The following RASAL2 variants were observed in gnomAD, a reference collection of about 807,000 sequenced individuals.
The protein encoded by RASAL2 is RAS protein activator like 2.
A neutral mutation model predicts 128.9 loss-of-function variants in RASAL2; 58 were observed. The ratio of observed to expected loss-of-function variants is 0.45; its 90% CI spans 0.36 to 0.56. The LOEUF (loss-of-function observed/expected upper bound fraction) is 0.56, where lower values mean the gene tolerates loss of function less well. Ranked by LOEUF, RASAL2 falls within the 20% of genes least tolerant of loss-of-function variation. The probability of loss-of-function intolerance (pLI) is 0.00; values close to 1 mark genes in which losing one functional copy is unlikely to be tolerated. For synonymous variants in RASAL2, 561 were observed against 580.8 expected, an observed-to-expected ratio of 0.97 and a Z score of 0.49; for missense variants, 1,360 against 1,601.6, an observed-to-expected ratio of 0.85 and a Z score of 2.57.
chr1:178,095,186 ACTCT>A (rs1292353366), intron 1 of RASAL2, among the ~76,000 whole-genome samples: 1 of 152,048 alleles, frequency 6.6e-6, no homozygotes, highest in South Asian at 2.1e-4. Flanking sequence ...CCTGAACCTC[ACTCT>A]CTCTAAAAGC....
At chr1:178,390,481 C>T (rs1375055079) in intron 4 of RASAL2, among the ~76,000 whole-genome samples, 1 of 152,034 alleles carries the variant, frequency 6.6e-6, no homozygotes, top group Non-Finnish European at 1.5e-5. Context: ...CGAGTTTAGG[C>T]GATTCTCCTG....
At chr1:178,157,007 C>T (rs12061929) in intron 1 of RASAL2, among the ~76,000 whole-genome samples, 16,499 of 152,050 alleles carry the variant, frequency 0.11, 1,130 homozygotes, top group African/African-American at 0.19. Flanking sequence ...ATAACTTCTG[C>T]TTATAATACC....
rs2102988096 is a variant in RASAL2, at chr1:178,477,663, C to T, written c.*4424C>T. On this transcript the variant is annotated 3_prime_UTR_variant, in exon 18 of 18. Transcript: ENST00000367649. ...AGTCTCTGTAGACAACACATGCACA[C>T]ACCCACACAAAACATAATTCCTGGG... 6.6e-6 allele frequency: 1 copy of T among 152,340 alleles called. No individual in the cohort carries two copies. Among genetic ancestry groups the T allele is most frequent in the Non-Finnish European group, 1.5e-5 (1 of 68,032 alleles). 9.4% of individuals were successfully genotyped at this position (152,340 alleles called of 1,614,324 possible).
At chr1:178,294,619 C>A (rs1194805075) in intron 2 of RASAL2, among the ~76,000 whole-genome samples, 1 of 152,214 alleles carries the variant, frequency 6.6e-6, no homozygotes, top group Non-Finnish European at 1.5e-5. Flanking sequence ...ATCTGTCTGT[C>A]CATCTATCGA....
Position 178,094,388 on chromosome 1 carries a change from C to T in RASAL2, c.-105C>T, listed in dbSNP as rs1369450771. The T allele has an allele frequency of 8.9e-7, 1 of 1,119,914 alleles. No individual in the cohort carries two copies. The highest frequency in any genetic ancestry group is 1.7e-5 in the South Asian group (1 of 59,694). 69.4% of individuals were successfully genotyped at this position (1,119,914 alleles called of 1,614,324 possible). A position where few individuals can be genotyped will look rare whatever the true frequency, so the allele number is the denominator to read the frequency against. On this transcript the variant is annotated 5_prime_UTR_variant, in exon 1 of 18. Transcript: ENST00000367649. ...CGCCGGCTGCCGCTCGGGTCCCTGC[C>T]CTCGCTGCGCGCTCTCCTCCTCCCC...
At chr1:178,213,255 G>A (rs780080059) in intron 1 of RASAL2, among the ~76,000 whole-genome samples, 2 of 152,110 alleles carry the variant, frequency 1.3e-5, no homozygotes, top group Admixed American at 6.5e-5. Context: ...TGTTGCCCAG[G>A]CTGATCTCAA....
Position 178,217,870 on chromosome 1 carries a change from C to G in RASAL2, c.203-65694C>G, listed in dbSNP as rs531346827. ...ACTTTTCCTTTCATGAAAGATTTCT[C>G]TTTAGTATGCAGTACTGTTTGATAG... On this transcript the variant is annotated intron_variant, in intron 1 of 17. Coordinates refer to ENST00000367649, the MANE Select transcript of RASAL2 (RefSeq NM_170692.4). Among the ~76,000 whole-genome samples the G allele has an allele frequency of 6.6e-5, 10 of 152,272 alleles. 1 individual carries two copies. The South Asian group carries it at 2.1e-3, about 32-fold the overall frequency.
At chr1:178,472,069 A>G (rs572567522) in intron 17 of RASAL2, among the ~76,000 whole-genome samples, 7 of 152,336 alleles carry the variant, frequency 4.6e-5, no homozygotes, top group Admixed American at 1.3e-4. Context: ...AAAACTATAG[A>G]CTTCATGTTA....
At chr1:178,289,527 C>T (rs6695029) in intron 2 of RASAL2, among the ~76,000 whole-genome samples, 10,157 of 152,168 alleles carry the variant, frequency 0.067, 1,084 homozygotes, top group African/African-American at 0.23. Context: ...GTTGCCCAAA[C>T]TGGTCTGTAA....
chr1:178,291,605 CCATTGCTTTA>C lies in RASAL2; in HGVS notation c.330+7926_330+7935del, dbSNP rs531231562. 4.3e-4 allele frequency among the ~76,000 whole-genome samples: 65 copies of C among 152,224 alleles called. No homozygotes were observed. In the East Asian group the frequency reaches 8.3e-3, roughly 19 times the overall value. ...ATCTCTAGGAAAAGAAAATGTGAAG[CCATTGCTTTA>C]CATTGCTTTACTTGAATAAGTTTGA... On this transcript the variant is annotated intron_variant, in intron 2 of 17. Coordinates refer to ENST00000367649, the MANE Select transcript of RASAL2 (RefSeq NM_170692.4).
intron 3 of RASAL2, among the ~76,000 whole-genome samples, chr1:178,378,030 AGAAAAAAATGGG>A (rs1672084441): frequency 6.6e-6 from 1 of 152,066 alleles, no homozygotes; most frequent in African/African-American, 2.4e-5. Flanking sequence ...AAAGAAAATC[AGAAAAAAATGGG>A]GAAAAAAATA....
chr1:178,120,683 T>A (rs565197640), intron 1 of RASAL2, among the ~76,000 whole-genome samples: 1 of 152,310 alleles, frequency 6.6e-6, no homozygotes, highest in South Asian at 2.1e-4. Context: ...CAGTCAAACC[T>A]CTCTGCTGAT....
intron 1 of RASAL2, among the ~76,000 whole-genome samples, chr1:178,111,211 A>G (rs770041967): frequency 6.6e-6 from 1 of 152,152 alleles, no homozygotes; most frequent in Non-Finnish European, 1.5e-5. Flanking sequence ...GTTTTTGACT[A>G]TGACAGATAA....
At chr1:178,268,757 C>T (rs929711104) in intron 1 of RASAL2, among the ~76,000 whole-genome samples, 9 of 152,216 alleles carry the variant, frequency 5.9e-5, no homozygotes, top group African/African-American at 2.2e-4. Context: ...CGGCTCCTGG[C>T]TTCCTTCAAT....
At position 178,457,661 on chromosome 1, in the gene RASAL2, AGTGTC is replaced by A; in HGVS notation, c.2391-21_2391-17del. 1 of 1,600,786 alleles carries A rather than the reference AGTGTC, an allele frequency of 6.2e-7. No individual in the cohort carries two copies. The highest frequency in any genetic ancestry group is 8.5e-7 in the Non-Finnish European group (1 of 1,172,772). On this transcript the variant is annotated splice_polypyrimidine_tract_variant and intron_variant, in intron 13 of 17. Coordinates refer to ENST00000367649, the MANE Select transcript of RASAL2 (RefSeq NM_170692.4). The stretch of plus-strand genomic sequence containing the variant: ...GTTGAAGTTGTCTCAAGAGAAATTA[AGTGTC>A]CTTTCCTTTTCCACAGTGATTTGCA...
intron 1 of RASAL2, among the ~76,000 whole-genome samples, chr1:178,130,829 C>T (rs1056110832): frequency 1.3e-4 from 20 of 152,126 alleles, no homozygotes; most frequent in Middle Eastern, 3.4e-3. Flanking sequence ...CCAAGGCGGG[C>T]GGATCACGAG....
chr1:178,189,982 T>C (rs1662433440), intron 1 of RASAL2, among the ~76,000 whole-genome samples: 1 of 152,020 alleles, frequency 6.6e-6, no homozygotes, highest in Non-Finnish European at 1.5e-5. Context: ...TGCTGAGTAG[T>C]GTCATGTCAA....
intron 1 of RASAL2, among the ~76,000 whole-genome samples, chr1:178,175,279 T>C (rs1019214449): frequency 6.6e-6 from 1 of 152,052 alleles, no homozygotes; most frequent in Non-Finnish European, 1.5e-5. Context: ...AAAAGTCGTA[T>C]ATGAGAGTAG....
intron 9 of RASAL2, 43 bp downstream of exon 9, chr1:178,445,705 A>C (rs771886826): frequency 1.3e-6 from 2 of 1,558,532 alleles, no homozygotes; most frequent in South Asian, 2.4e-5. Context: ...TTTACTTTTC[A>C]GTTTTAAGCT....
Sources: gnomAD v4.1 joint callset for allele counts (sites outside exome capture counted in the v4.1 genomes callset) on GRCh38, gnomAD v4.1.1 for gene constraint, MANE v1.5 for transcripts, NCBI Gene and HGNC (gene_info 2026-07-23, HGNC 2026-07-21) for gene names.